DUOX1: variants seen among roughly 807,000 people sequenced by gnomAD.
The protein encoded by DUOX1 is NADPH thyroid oxidase 1.
Under a neutral mutation model 181.8 loss-of-function variants are expected in DUOX1, and 134 were observed. That is an observed-to-expected ratio of 0.74 (90% CI 0.64 to 0.85). The LOEUF is 0.85. Among genes scored for constraint, DUOX1 ranks in the 40% least tolerant of loss-of-function variants. DUOX1 has a pLI of 0.00. For missense variants in DUOX1, 1,814 were observed against 2,064.4 expected, an observed-to-expected ratio of 0.88 and a Z score of 2.35; for synonymous variants, 798 against 832.5, an observed-to-expected ratio of 0.96 and a Z score of 0.71.
chr15:45,133,598 C>T (rs1253551896), intron 2 of DUOX1, among the ~76,000 whole-genome samples: 1 of 152,206 alleles, frequency 6.6e-6, no homozygotes, highest in African/African-American at 2.4e-5. Context: ...CTCTCTGAGG[C>T]CGTCTGTCAG....
Position 45,133,959 on chromosome 15 carries a change from C to A in DUOX1, c.142+12C>A, listed in dbSNP as rs1896216987. 1 of 1,613,074 alleles carries A rather than the reference C, an allele frequency of 6.2e-7. No individual in the cohort carries two copies. The highest frequency in any genetic ancestry group is 1.3e-5 in the African/African-American group (1 of 74,880). ...ATGGGGCAGCAAAGGTAAGTGAGAG[C>A]CAAGTGGGGATAGAACCCCAGGGCC... On this transcript the variant is annotated intron_variant, in intron 3 of 33. Transcript: ENST00000389037.
chr15:45,141,052 T>G lies in DUOX1; in HGVS notation c.1547T>G (p.Phe516Cys), dbSNP rs761951070. ...CTACGGGATGGTGACCGCTACTGGT[T>G]TGAGAACACCAGGAATGGGTAAGGC... ...VRLRDGDRYW[F>C]ENTRNGLFSK... The change falls in exon 13 of 34, where the codon TTT becomes TGT. Residue 516 changes from phenylalanine (F) to cysteine (C), a missense_variant. Physicochemically the swap from Phe to Cys is radical, Grantham distance 205. This residue lies in a region of DUOX1 where 1,064 missense variants were observed against 1,152.9 expected (regional missense o/e 0.92). Coordinates refer to ENST00000389037, the MANE Select transcript of DUOX1 (RefSeq NM_175940.3). 2 of 1,614,240 alleles carry G rather than the reference T, an allele frequency of 1.2e-6. No homozygotes were observed. Among genetic ancestry groups the G allele is most frequent in the East Asian group, 4.5e-5 (2 of 44,890 alleles).
intron 2 of DUOX1, among the ~76,000 whole-genome samples, chr15:45,132,811 G>T (rs529152646): frequency 1.3e-5 from 2 of 152,044 alleles, no homozygotes; most frequent in Admixed American, 6.6e-5. Context: ...CCCAAGAGGC[G>T]CTTTCCCTGT....
intron 28 of DUOX1, among the ~76,000 whole-genome samples, chr15:45,157,027 A>G (rs1211009007): frequency 1.3e-5 from 2 of 152,184 alleles, no homozygotes; most frequent in Non-Finnish European, 2.9e-5. Flanking sequence ...AACTGCATAC[A>G]GGGCTCTCCT....
intron 27 of DUOX1, among the ~76,000 whole-genome samples, chr15:45,155,027 C>A (rs1207691560): frequency 6.6e-6 from 1 of 152,240 alleles, no homozygotes; most frequent in African/African-American, 2.4e-5. Context: ...AAGAGTGGTG[C>A]AGGGACAAGG....
In DUOX1 at chr15:45,141,979, C is replaced by G; in HGVS notation, c.1689C>G (p.Asp563Glu). 22 of 1,610,942 alleles carry G rather than the reference C, an allele frequency of 1.4e-5. No individual in the cohort carries two copies. The highest frequency in any genetic ancestry group is 1.9e-5 in the Non-Finnish European group (22 of 1,178,842). Residue 563 changes from aspartate (D) to glutamate (E), a missense_variant, in exon 15 of 34, where the codon GAC (aspartate) becomes GAG (glutamate). Physicochemically the swap from Asp to Glu is conservative, Grantham distance 45. This residue lies in a region of DUOX1 where 1,064 missense variants were observed against 1,152.9 expected (regional missense o/e 0.92). Transcript: ENST00000389037. ...TGGCTTCCTCTGCCTTCCCAGGAGA[C>G]CCCTGTCCGCAGCCGAGACAGCTCA... is the stretch of plus-strand genomic sequence containing the variant. The part of the protein sequence containing the change: ...QPNVFVWHKG[D>E]PCPQPRQLST...
intron 31 of DUOX1, 38 bp from the exon 32 acceptor site, chr15:45,163,494 G>A: frequency 1.2e-6 from 2 of 1,612,272 alleles, no homozygotes; most frequent in Non-Finnish European, 1.7e-6. Context: ...GGGAGACTGA[G>A]CTGAGATGGG....
intron 27 of DUOX1, among the ~76,000 whole-genome samples, 200 bp downstream of exon 27, chr15:45,154,200 A>G (rs546833604): frequency 6.6e-6 from 1 of 152,222 alleles, no homozygotes; most frequent in South Asian, 2.1e-4. Context: ...CAGGAGCTCA[A>G]CTGGGTTCCT....
At chr15:45,156,015 A>G (rs1896961806) in intron 28 of DUOX1, 86 bp downstream of exon 28, 4 of 1,551,368 alleles carry the variant, frequency 2.6e-6, no homozygotes, top group Non-Finnish European at 3.5e-6. Flanking sequence ...CATTCATTCA[A>G]TTTCTAGCTA....
At chr15:45,133,568 T>C (rs1896206841) in intron 2 of DUOX1, among the ~76,000 whole-genome samples, 1 of 152,028 alleles carries the variant, frequency 6.6e-6, no homozygotes, top group Admixed American at 6.5e-5. Flanking sequence ...TCACCACTGC[T>C]CTCCTCCAGC....
intron 15 of DUOX1, 26 bp from the exon 16 acceptor site, chr15:45,143,164 C>T (rs979142289): frequency 6.3e-7 from 1 of 1,599,336 alleles, no homozygotes; most frequent in African/African-American, 1.3e-5. Context: ...CCACGTCTCC[C>T]TGAACCTCTG....
rs1300595851 is a variant in DUOX1, at chr15:45,134,242, C to A, written c.240C>A (p.Asn80Lys). 1 of 1,589,562 alleles carries A rather than the reference C, an allele frequency of 6.3e-7. No homozygotes were observed. ...TGCCCAACCCCCGAGACCTTAGCAA[C>A]ACCATCTCAAGGGGCCCTGCAGGGC... is the stretch of plus-strand genomic sequence containing the variant. ...PHLPNPRDLS[N>K]TISRGPAGLA... Residue 80 changes from asparagine to lysine, a missense_variant, in exon 4 of 34, where the codon AAC (asparagine) becomes AAA (lysine). Asn to Lys is a moderately conservative substitution (Grantham distance 94). Around this residue, in one of 5 missense-constraint regions of DUOX1, gnomAD observed 320 missense variants for 313.1 expected, o/e 1.02. Transcript: ENST00000389037.
In DUOX1 at chr15:45,151,161, AC is replaced by A. The variant is rs1896791996; in HGVS notation, c.2928del (p.Asp976GlufsTer6). 1 of 1,614,076 alleles carries A rather than the reference AC, an allele frequency of 6.2e-7. No homozygotes were observed. The highest frequency in any genetic ancestry group is 1.3e-5 in the African/African-American group (1 of 74,916). ...GTGAGTGCCCGCTGTTCCCGCAGCG[AC>A]ATTGAGACTGAGTTGACACCTCAGA... ...PRVSARCSRS[D>X]IETELTPQRL... On this transcript the variant is annotated frameshift_variant, in exon 23 of 34. Coordinates refer to ENST00000389037, the MANE Select transcript of DUOX1 (RefSeq NM_175940.3). LOFTEE classifies it high-confidence loss of function.
rs1300567649 is a variant in DUOX1, at chr15:45,133,989, G to A, written c.142+42G>A. On this transcript the variant is annotated intron_variant, in intron 3 of 33. Coordinates refer to ENST00000389037, the MANE Select transcript of DUOX1 (RefSeq NM_175940.3). Reference sequence around the variant, plus strand: ...TGGGGATAGAACCCCAGGGCCAGGGGGGTACTGAGTGCTGCGGGGCAAGAG... The same window carrying A: ...TGGGGATAGAACCCCAGGGCCAGGGAGGTACTGAGTGCTGCGGGGCAAGAG... The A allele has an allele frequency of 1.9e-6, 3 of 1,607,482 alleles. No homozygotes were observed. In the African/African-American group the frequency reaches 4.0e-5, roughly 22 times the overall value.
chr15:45,137,813 C>G, intron 9 of DUOX1, 111 bp from the exon 10 acceptor site: 1 of 829,052 alleles, frequency 1.2e-6, no homozygotes, highest in Non-Finnish European at 1.8e-6. Context: ...CACACCACCT[C>G]GGAAAGACGA....
chr15:45,157,984 A>G (rs2141300695), intron 28 of DUOX1, among the ~76,000 whole-genome samples: 1 of 152,204 alleles, frequency 6.6e-6, no homozygotes, highest in South Asian at 2.1e-4. Context: ...AAGCAGAAAG[A>G]TAAATTACAA....
chr15:45,136,279 C>A, intron 7 of DUOX1, 71 bp from the exon 8 acceptor site: 1 of 1,608,488 alleles, frequency 6.2e-7, no homozygotes. Flanking sequence ...GGAAGCCGTC[C>A]TTGGGCTCAG....
At chr15:45,131,875 C>G in intron 1 of DUOX1, 43 bp from the exon 2 acceptor site, 3 of 1,390,380 alleles carry the variant, frequency 2.2e-6, no homozygotes, top group South Asian at 2.3e-5. Context: ...TCACCTGATT[C>G]TTCTGAGTAG....
rs1317460130 is a variant in DUOX1 at position 45,144,949 on chromosome 15, G to C, written c.2191G>C (p.Gly731Arg). 6.2e-7 allele frequency: 1 copy of C among 1,613,680 alleles called. No individual in the cohort carries two copies. The highest frequency in any genetic ancestry group is 1.7e-5 in the Admixed American group (1 of 59,984). Residue 731 changes from glycine (G) to arginine (R), a missense_variant, in exon 18 of 34, where the codon GGA (glycine) becomes CGA (arginine). Physicochemically the swap from Gly to Arg is moderately radical, Grantham distance 125. Around this residue, in one of 5 missense-constraint regions of DUOX1, gnomAD observed 1,064 missense variants for 1,152.9 expected, o/e 0.92. Transcript: ENST00000389037. ...GCAGGCGCTGGTGGAAAATCTCCGGGGAGCTCTGAAGGAGAGCGGGTTGAG... is the reference window on the plus strand; with the variant it reads ...GCAGGCGCTGGTGGAAAATCTCCGGCGAGCTCTGAAGGAGAGCGGGTTGAG... ...ERQALVENLR[G>R]ALKESGLSIQ...
Sources: gnomAD v4.1 joint callset for allele counts (sites outside exome capture counted in the v4.1 genomes callset) on GRCh38, gnomAD v4.1.1 for gene constraint, gnomAD v4.1.1 regional missense constraint, MANE v1.5 for transcripts, NCBI Gene and HGNC (gene_info 2026-07-23, HGNC 2026-07-21) for gene names.